BDNF: variants seen among roughly 807,000 people sequenced by gnomAD.
BDNF encodes the protein brain derived neurotrophic factor, also known as neurotrophic factor BDNF precursor form.
In BDNF, 1 loss-of-function variant was observed where a neutral mutation model predicts 19.5. That is an observed-to-expected ratio of 0.05 (90% confidence interval 0.02 to 0.24). BDNF has a LOEUF of 0.24. Ranked by LOEUF, BDNF falls within the 10% of genes least tolerant of loss-of-function variation. BDNF has a pLI of 1.00. For missense variants in BDNF, 195 were observed against 317.6 expected (o/e 0.61, Z 2.93); for synonymous variants, 100 against 121.6 (o/e 0.82, Z 1.17).
At chr11:27,698,471 C>A (rs1165201867) in intron 1 of BDNF, among the ~76,000 whole-genome samples, 1 of 152,008 alleles carries the variant, frequency 6.6e-6, no homozygotes, top group African/African-American at 2.4e-5. Flanking sequence ...AAGGCACACA[C>A]GTTCATACAA....
chr11:27,693,975 T>C lies in BDNF; in HGVS notation c.-22+6189A>G, dbSNP rs1427548398. ...CACACGCACCTTTATTTTAGTAATT[T>C]TTTTTTTCTGAAAAAGAAAGTTTTC... On this transcript the variant is annotated intron_variant, in intron 1 of 1. Transcript: ENST00000356660. Among the ~76,000 whole-genome samples the C allele has an allele frequency of 3.3e-5, 5 of 152,268 alleles. No homozygotes were observed. The East Asian group carries it at 9.7e-4, about 29-fold the overall frequency.
Position 27,720,543 on chromosome 11 carries a change from ACTCT to A in BDNF, c.3+865_3+868del, listed in dbSNP as rs532048641. 1,333 of 985,232 alleles carry A rather than the reference ACTCT, an allele frequency of 1.4e-3. 2 individuals carry two copies. Among genetic ancestry groups the A allele is most frequent in the Non-Finnish European group, 1.5e-3 (1,281 of 829,854 alleles). The allele number at this position is 985,232 out of a possible 1,614,324, so 61.0% of individuals were successfully genotyped here. The stretch of plus-strand genomic sequence containing the variant: ...TCCAAACGCTCCGCTCCAAAATCTG[ACTCT>A]CTCTCCAGCCCCGATCTCAGTGTGA... On this transcript the variant is annotated intron_variant, in intron 1 of 1. Coordinates refer to the BDNF transcript ENST00000314915.
At chr11:27,683,500 T>C (rs1002042162) in intron 1 of BDNF, among the ~76,000 whole-genome samples, 1 of 152,224 alleles carries the variant, frequency 6.6e-6, no homozygotes, top group African/African-American at 2.4e-5. Flanking sequence ...TCCTGAATGG[T>C]ATTGCCTAGG....
At chr11:27,718,565 C>T (rs1226920431) in intron 1 of BDNF, among the ~76,000 whole-genome samples, 2 of 146,052 alleles carry the variant, frequency 1.4e-5, no homozygotes, top group Non-Finnish European at 3.0e-5. Context: ...CCACGCTCCC[C>T]TGCCCGCCCC....
At chr11:27,685,009 G>A (rs1857301721) in intron 1 of BDNF, among the ~76,000 whole-genome samples, 1 of 152,112 alleles carries the variant, frequency 6.6e-6, no homozygotes, top group Non-Finnish European at 1.5e-5. Context: ...GTAGAATTCA[G>A]CTGTGAATCC....
intron 1 of BDNF, among the ~76,000 whole-genome samples, chr11:27,660,935 T>C (rs1021622431): frequency 6.6e-6 from 1 of 152,250 alleles, no homozygotes; most frequent in Non-Finnish European, 1.5e-5. Flanking sequence ...GATACCATTT[T>C]CTATACTTGG....
intron 1 of BDNF, among the ~76,000 whole-genome samples, chr11:27,720,044 A>G (rs1860688572): frequency 6.6e-6 from 1 of 152,156 alleles, no homozygotes; most frequent in African/African-American, 2.4e-5. Flanking sequence ...AGCAAAGAGA[A>G]CGGAAAAGAG....
At chr11:27,684,168 T>C (rs962501652) in intron 1 of BDNF, among the ~76,000 whole-genome samples, 1 of 152,190 alleles carries the variant, frequency 6.6e-6, no homozygotes, top group African/African-American at 2.4e-5. Context: ...TTTGTAGCAA[T>C]TGTGAATGGG....
upstream of BDNF, chr11:27,701,156 G>C: frequency 2.5e-6 from 3 of 1,220,902 alleles, no homozygotes; most frequent in Non-Finnish European, 3.3e-6. Context: ...ATTTTTTATT[G>C]ATGAACGCCC....
intron 1 of BDNF, among the ~76,000 whole-genome samples, chr11:27,668,278 G>A (rs979171420): frequency 2.0e-5 from 3 of 152,180 alleles, no homozygotes; most frequent in Admixed American, 6.5e-5. Flanking sequence ...AGTGTGTAGA[G>A]GGAAATTTAT....
At chr11:27,684,069 C>T in intron 1 of BDNF, among the ~76,000 whole-genome samples, 1 of 152,142 alleles carries the variant, frequency 6.6e-6, no homozygotes, top group East Asian at 1.9e-4. Flanking sequence ...TTTGTGTCCT[C>T]TCTTATTTCA....
chr11:27,713,190 C>T (rs1339856165), intron 1 of BDNF, among the ~76,000 whole-genome samples: 1 of 152,194 alleles, frequency 6.6e-6, no homozygotes, highest in Non-Finnish European at 1.5e-5. Flanking sequence ...TTAGCCACCA[C>T]ACTGGGCATC....
chr11:27,685,716 A>G (rs1469320797), intron 1 of BDNF, among the ~76,000 whole-genome samples: 1 of 151,584 alleles, frequency 6.6e-6, no homozygotes, highest in African/African-American at 2.4e-5. Context: ...GTTTTGAGTT[A>G]GTTTCTTAAT....
intron 1 of BDNF, chr11:27,674,746 A>G: frequency 3.1e-6 from 3 of 981,804 alleles, no homozygotes; most frequent in Non-Finnish European, 3.6e-6. Flanking sequence ...TGATTCCTAT[A>G]GAAGACATGC....
chr11:27,671,130 G>A (rs972979720), intron 1 of BDNF, among the ~76,000 whole-genome samples: 5 of 152,004 alleles, frequency 3.3e-5, no homozygotes, highest in Non-Finnish European at 7.4e-5. Context: ...ACACAGGGTG[G>A]GGAACATCAC....
Position 27,655,106 on chromosome 11 carries a change from C to G in BDNF, c.*2715G>C, listed in dbSNP as rs1852396634. 6.6e-6 allele frequency: 1 copy of G among 151,998 alleles called. No individual in the cohort carries two copies. Among genetic ancestry groups the G allele is most frequent in the Admixed American group, 6.6e-5 (1 of 15,246 alleles). 9.4% of individuals were successfully genotyped at this position (151,998 alleles called of 1,614,324 possible). On this transcript the variant is annotated 3_prime_UTR_variant, in exon 2 of 2. Coordinates refer to ENST00000356660, the MANE Select transcript of BDNF (RefSeq NM_001709.5). ...TTTTGTTTTACATGGTGAATAATATCTTTACCATAGAGAGAACAAGGCCAC... is the reference window on the plus strand; with the variant it reads ...TTTTGTTTTACATGGTGAATAATATGTTTACCATAGAGAGAACAAGGCCAC...
upstream of BDNF, among the ~76,000 whole-genome samples, chr11:27,704,990 A>G (rs36211435): frequency 2.6e-5 from 4 of 152,210 alleles, no homozygotes; most frequent in Non-Finnish European, 5.9e-5. Flanking sequence ...AGACTAGGAG[A>G]GTAGAACAAG....
intron 1 of BDNF, among the ~76,000 whole-genome samples, chr11:27,716,871 G>C (rs950371513): frequency 1.3e-5 from 2 of 152,162 alleles, no homozygotes; most frequent in African/African-American, 2.4e-5. Context: ...GAGCAAGTTT[G>C]AGCCTGGTCC....
intron 1 of BDNF, among the ~76,000 whole-genome samples, chr11:27,691,800 G>A (rs947654152): frequency 2.0e-5 from 3 of 152,236 alleles, no homozygotes; most frequent in South Asian, 2.1e-4. Flanking sequence ...GGAGTTGGGG[G>A]AGGAGTCAAT....
Sources: allele counts gnomAD v4.1 joint callset (sites outside exome capture counted in the v4.1 genomes callset), GRCh38; gene constraint gnomAD v4.1.1; transcripts MANE v1.5; gene names NCBI Gene and HGNC (gene_info 2026-07-23, HGNC 2026-07-21).